ILRUN: variants seen among roughly 807,000 people sequenced by gnomAD.
The protein encoded by ILRUN is protein ILRUN.
Under a neutral mutation model 33.8 loss-of-function variants are expected in ILRUN, and 3 were observed. The ratio of observed to expected loss-of-function variants is 0.09; its 90% CI spans 0.04 to 0.23. The LOEUF is 0.23. Among genes scored for constraint, ILRUN ranks in the 10% least tolerant of loss-of-function variants. The probability of loss-of-function intolerance (pLI) is 1.00; values close to 1 mark genes in which losing one functional copy is unlikely to be tolerated. For missense variants in ILRUN, 210 were observed against 375.1 expected (o/e 0.56, Z 3.64); for synonymous variants, 124 against 138.9 (o/e 0.89, Z 0.75).
chr6:34,616,252 G>C (rs1228541360), intron 3 of ILRUN, among the ~76,000 whole-genome samples: 1 of 152,200 alleles, frequency 6.6e-6, no homozygotes, highest in African/African-American at 2.4e-5. Flanking sequence ...GATTATGGTG[G>C]AGGCCACTTC....
chr6:34,663,732 G>A (rs764766402), intron 1 of ILRUN, among the ~76,000 whole-genome samples: 6 of 152,142 alleles, frequency 3.9e-5, no homozygotes, highest in Non-Finnish European at 7.4e-5. Flanking sequence ...ATGATTTTTA[G>A]TAAATTTACA....
intron 1 of ILRUN, among the ~76,000 whole-genome samples, chr6:34,665,543 C>T (rs1281389405): frequency 2.0e-5 from 3 of 152,082 alleles, no homozygotes; most frequent in Non-Finnish European, 2.9e-5. Context: ...ACCTCAGCCT[C>T]CCAAAGTGTT....
At chr6:34,676,462 AGCTAGCTAGCTAGCTAGATAGG>A (rs1281234593) in intron 1 of ILRUN, among the ~76,000 whole-genome samples, 3 of 151,362 alleles carry the variant, frequency 2.0e-5, no homozygotes, top group African/African-American at 7.3e-5. Flanking sequence ...AGATATAGCT[AGCTAGCTAGCTAGCTAGATAGG>A]TAGATATGCA....
At chr6:34,632,100 T>G (rs1196088064) in intron 3 of ILRUN, among the ~76,000 whole-genome samples, 3 of 152,226 alleles carry the variant, frequency 2.0e-5, no homozygotes, top group African/African-American at 4.8e-5. Context: ...AAAAGTTTTT[T>G]GCTTTTAATA....
intron 1 of ILRUN, among the ~76,000 whole-genome samples, chr6:34,683,445 T>TAC (rs1562032927): frequency 1.8e-5 from 2 of 108,456 alleles, no homozygotes; most frequent in Middle Eastern, 4.5e-3. Flanking sequence ...TATATACATA[T>TAC]ATATATACAT....
chr6:34,683,157 CGTGT>C (rs10609471), intron 1 of ILRUN, among the ~76,000 whole-genome samples: 11 of 149,752 alleles, frequency 7.3e-5, no homozygotes, highest in African/African-American at 2.7e-4. Flanking sequence ...TAAATACACA[CGTGT>C]GTTTATGTGT....
In ILRUN at chr6:34,651,734, T is replaced by TAA. The variant is rs10618162; in HGVS notation, c.313+2889_313+2890dup. Among the ~76,000 whole-genome samples, 87 of 132,758 alleles carry TAA rather than the reference T, an allele frequency of 6.6e-4. 1 individual carries two copies. Among genetic ancestry groups the TAA allele is most frequent in the African/African-American group, 2.2e-3 (81 of 36,070 alleles). The allele number at this position is 132,758 out of a possible 152,430, so 87.1% of individuals were successfully genotyped here. ...CACTTTCCAAACAAACCTCATTTAT[T>TAA]AAAAAAAAAAAAAATTATATATATA... On this transcript the variant is annotated intron_variant, in intron 2 of 4. Coordinates refer to ENST00000374023, the MANE Select transcript of ILRUN (RefSeq NM_024294.4).
intron 3 of ILRUN, among the ~76,000 whole-genome samples, chr6:34,625,890 G>A (rs986358015): frequency 3.1e-5 from 4 of 130,688 alleles, no homozygotes; most frequent in Non-Finnish European, 6.1e-5. Flanking sequence ...TCGCTCTGTC[G>A]CTCAGGCTGG....
intron 1 of ILRUN, among the ~76,000 whole-genome samples, chr6:34,655,330 A>G (rs1454411230): frequency 1.3e-5 from 2 of 152,120 alleles, no homozygotes. Flanking sequence ...ACAGAAAATC[A>G]TGTTCTCTTT....
rs528753512 is a variant in ILRUN, at chr6:34,644,112, T to C, written c.511+2489A>G. Among the ~76,000 whole-genome samples, 7 of 152,346 alleles carry C rather than the reference T, an allele frequency of 4.6e-5. No individual in the cohort carries two copies. The South Asian group carries it at 1.2e-3, about 27-fold the overall frequency. ...GAGTTGCTATGAGTATAAAATGTAA[T>C]GTCCCACATAGTGATAATTATTTTA... On this transcript the variant is annotated intron_variant, in intron 3 of 4. Coordinates refer to ENST00000374023, the MANE Select transcript of ILRUN (RefSeq NM_024294.4).
intron 1 of ILRUN, among the ~76,000 whole-genome samples, chr6:34,668,861 G>A (rs1335351433): frequency 1.3e-5 from 1 of 77,884 alleles, no homozygotes; most frequent in African/African-American, 5.1e-5. Context: ...TTTTTTTTTT[G>A]GAGATGAAGT....
chr6:34,590,509 C>A lies in ILRUN; in HGVS notation c.*56G>T. 5.0e-6 allele frequency: 8 copies of A among 1,611,566 alleles called. No homozygotes were observed. The highest frequency in any genetic ancestry group is 6.8e-6 in the Non-Finnish European group (8 of 1,178,556). Reference sequence around the variant, plus strand: ...AATCCAGAGGAACCCCTTGCCCTAACCCCCCAAAGTCAGGCCTTCTGTCTT... The same window carrying A: ...AATCCAGAGGAACCCCTTGCCCTAAACCCCCAAAGTCAGGCCTTCTGTCTT... On this transcript the variant is annotated 3_prime_UTR_variant, in exon 5 of 5. Coordinates refer to ENST00000374023, the MANE Select transcript of ILRUN (RefSeq NM_024294.4).
In ILRUN at chr6:34,696,532, C is replaced by T. The variant is rs745593684; in HGVS notation, c.72G>A (p.Lys24=). ...TCTGGAACTCGGAGATGAGCACGTC[C>T]TTGTCGGTGGTGCCCAGGCAGCTGA... is the stretch of plus-strand genomic sequence containing the variant. ...QKFSCLGTTD[K]DVLISEFQRL... Residue 24 remains lysine (K), a synonymous_variant, in exon 1 of 5, where the codon AAG becomes AAA. Coordinates refer to ENST00000374023, the MANE Select transcript of ILRUN (RefSeq NM_024294.4). 2.5e-6 allele frequency: 4 copies of T among 1,613,482 alleles called. No individual in the cohort carries two copies. The highest frequency in any genetic ancestry group is 2.5e-6 in the Non-Finnish European group (3 of 1,179,844).
intron 3 of ILRUN, among the ~76,000 whole-genome samples, chr6:34,635,489 C>T (rs1762342795): frequency 6.8e-6 from 1 of 146,512 alleles, no homozygotes; most frequent in Admixed American, 6.9e-5. Flanking sequence ...GATCGTGCCA[C>T]TGCACTCCTC....
rs556811550 is a variant in ILRUN at position 34,687,600 on chromosome 6, G to A, written c.158+8846C>T. Among the ~76,000 whole-genome samples, 285 of 151,134 alleles carry A rather than the reference G, an allele frequency of 1.9e-3. 1 individual carries two copies. The highest frequency in any genetic ancestry group is 6.5e-3 in the African/African-American group (269 of 41,172). On this transcript the variant is annotated intron_variant, in intron 1 of 4. Transcript: ENST00000374023. ...GTAGTCCCAGCTACTCGGGAGGCTGGGGCAGGAGAATCACTTGAATCCAGG... is the reference window on the plus strand; with the variant it reads ...GTAGTCCCAGCTACTCGGGAGGCTGAGGCAGGAGAATCACTTGAATCCAGG...
In ILRUN at chr6:34,599,325, T is replaced by A. The variant is rs540580410; in HGVS notation, c.861+7230A>T. ...GTACTGTGGATAGTATGAAATGGTT[T>A]ACATGTTAGACAGATAGTGTTAAAC... On this transcript the variant is annotated intron_variant, in intron 4 of 4. Coordinates refer to ENST00000374023, the MANE Select transcript of ILRUN (RefSeq NM_024294.4). 2.0e-5 allele frequency among the ~76,000 whole-genome samples: 3 copies of A among 152,374 alleles called. No homozygotes were observed. The South Asian group carries it at 6.2e-4, about 32-fold the overall frequency.
chr6:34,667,898 G>A (rs1029503262), intron 1 of ILRUN, among the ~76,000 whole-genome samples: 3 of 152,114 alleles, frequency 2.0e-5, no homozygotes, highest in Non-Finnish European at 2.9e-5. Context: ...TCCCTGAGAA[G>A]ATCCTGCATT....
chr6:34,679,250 T>C (rs1039111338), intron 1 of ILRUN, among the ~76,000 whole-genome samples: 1 of 151,990 alleles, frequency 6.6e-6, no homozygotes, highest in Non-Finnish European at 1.5e-5. Context: ...ATTGATGAGA[T>C]GGTCAAAGAA....
chr6:34,617,091 G>T, intron 3 of ILRUN: 1 of 534,028 alleles, frequency 1.9e-6, no homozygotes, highest in South Asian at 1.4e-5. Flanking sequence ...CTGATCATGA[G>T]ATCTATACTG....
Sources: allele counts gnomAD v4.1 joint callset (sites outside exome capture counted in the v4.1 genomes callset), GRCh38; gene constraint gnomAD v4.1.1; transcripts MANE v1.5; gene names NCBI Gene and HGNC (gene_info 2026-07-23, HGNC 2026-07-21).